ARMC8: variants seen among roughly 807,000 people sequenced by gnomAD.
ARMC8 encodes armadillo repeat-containing protein 8.
In ARMC8, 20 loss-of-function variants were observed where a neutral mutation model predicts 99.3. The observed-to-expected ratio is 0.20, with a 90% CI of 0.14 to 0.29. The LOEUF is 0.29. ARMC8 is among the 10% of genes least tolerant of loss of function. The probability of loss-of-function intolerance (pLI) is 1.00; values close to 1 mark genes in which losing one functional copy is unlikely to be tolerated. For synonymous variants in ARMC8, 263 were observed against 278.3 expected (o/e 0.95, Z 0.55); for missense variants, 569 against 809.5 (o/e 0.70, Z 3.60).
chr3:138,216,754 G>A (rs2045067270), intron 2 of ARMC8, among the ~76,000 whole-genome samples: 1 of 152,154 alleles, frequency 6.6e-6, no homozygotes, highest in African/African-American at 2.4e-5. Context: ...TCAGATTGTA[G>A]TTTTCAGTAT....
intron 19 of ARMC8, among the ~76,000 whole-genome samples, chr3:138,287,191 C>A (rs999805501): frequency 6.6e-6 from 1 of 152,210 alleles, no homozygotes; most frequent in Non-Finnish European, 1.5e-5. Flanking sequence ...CTTTCAGGGG[C>A]TTCCTCTCAA....
chr3:138,283,844 A>T (rs143725678), intron 18 of ARMC8, among the ~76,000 whole-genome samples: 84 of 152,300 alleles, frequency 5.5e-4, no homozygotes, highest in Non-Finnish European at 1.1e-3. Context: ...GTTGCTTCAT[A>T]CATTTTACTT....
At chr3:138,188,419 C>T in intron 1 of ARMC8, 1 of 1,489,788 alleles carries the variant, frequency 6.7e-7, no homozygotes, top group Non-Finnish European at 9.0e-7. Flanking sequence ...AAGAAAAAGA[C>T]GACTTTCACC....
At chr3:138,245,483 T>G in intron 12 of ARMC8, 1 of 1,292,626 alleles carries the variant, frequency 7.7e-7, no homozygotes, top group Non-Finnish European at 9.8e-7. Context: ...AAAAATCAAT[T>G]CTAGCACTGT....
At chr3:138,229,918 A>G (rs1444446997) in intron 6 of ARMC8, among the ~76,000 whole-genome samples, 1 of 152,206 alleles carries the variant, frequency 6.6e-6, no homozygotes, top group Non-Finnish European at 1.5e-5. Context: ...AAGAAGGGAT[A>G]AGAGAACACC....
At chr3:138,288,982 C>A in intron 19 of ARMC8, 66 bp from the exon 20 acceptor site, 1 of 1,390,264 alleles carries the variant, frequency 7.2e-7, no homozygotes, top group East Asian at 2.4e-5. Context: ...GGTAGGTCCC[C>A]CCAAAAAAAA....
chr3:138,209,535 A>G (rs1294909096), intron 1 of ARMC8, among the ~76,000 whole-genome samples: 2 of 152,210 alleles, frequency 1.3e-5, no homozygotes, highest in Non-Finnish European at 2.9e-5. Flanking sequence ...AATGTATACC[A>G]TGGACATTCT....
At position 138,289,660 on chromosome 3, in the gene ARMC8, CAG is replaced by C. The variant is rs893355535; in HGVS notation, c.1894+542_1894+543del. On this transcript the variant is annotated intron_variant, in intron 20 of 21. Transcript: ENST00000469044. Reference sequence around the variant, plus strand: ...AATTTTTACACCAGGCCAATTAAATCAGAATCTCTCGGGGTGGGCTCCAGGCA... The same window carrying C: ...AATTTTTACACCAGGCCAATTAAATCAATCTCTCGGGGTGGGCTCCAGGCA... Among the ~76,000 whole-genome samples, 31 of 152,110 alleles carry C rather than the reference CAG, an allele frequency of 2.0e-4. 2 individuals are homozygous for C. The highest frequency in any genetic ancestry group is 4.1e-4 in the South Asian group (2 of 4,820).
At chr3:138,244,697 G>T (rs1440519087) in intron 11 of ARMC8, among the ~76,000 whole-genome samples, 1 of 152,208 alleles carries the variant, frequency 6.6e-6, no homozygotes, top group African/African-American at 2.4e-5. Flanking sequence ...TGTAGTCTGG[G>T]GCTAGAGAAG....
intron 6 of ARMC8, among the ~76,000 whole-genome samples, chr3:138,231,529 T>A (rs771552051): frequency 3.3e-5 from 5 of 152,198 alleles, no homozygotes; most frequent in African/African-American, 4.8e-5. Flanking sequence ...AAACACTCAC[T>A]AGAAATAGTA....
At position 138,187,540 on chromosome 3, in the gene ARMC8, G is replaced by T; in HGVS notation, c.-15G>T. 2.0e-6 allele frequency: 3 copies of T among 1,535,744 alleles called. No homozygotes were observed. The highest frequency in any genetic ancestry group is 2.6e-6 in the Non-Finnish European group (3 of 1,146,626). ...CCGCGCCGGCGCCTGCAGCAGCCGGGTGGGAAGGCTCAAGATGGCGTGCTT... is the reference window on the plus strand; with the variant it reads ...CCGCGCCGGCGCCTGCAGCAGCCGGTTGGGAAGGCTCAAGATGGCGTGCTT... On this transcript the variant is annotated 5_prime_UTR_variant, in exon 1 of 22. Coordinates refer to ENST00000469044, the MANE Select transcript of ARMC8 (RefSeq NM_001363941.2).
rs777653017 is a variant in ARMC8, at chr3:138,223,628, G to C, written c.338-8G>C. On this transcript the variant is annotated splice_region_variant and splice_polypyrimidine_tract_variant and intron_variant, in intron 4 of 21. Transcript: ENST00000469044. ...AGGATTAGTCCTAAATCTCATTTCT[G>C]TTAATAGGACTACTGTCCCCAGACC... 6.8e-6 allele frequency: 11 copies of C among 1,613,850 alleles called. No individual in the cohort carries two copies. Among genetic ancestry groups the C allele is most frequent in the Non-Finnish European group, 8.5e-6 (10 of 1,179,832 alleles).
At chr3:138,264,082 A>C in intron 13 of ARMC8, 49 bp from the exon 14 acceptor site, 1 of 1,539,068 alleles carries the variant, frequency 6.5e-7, no homozygotes, top group Non-Finnish European at 9.0e-7. Flanking sequence ...TTGTTTGAAA[A>C]GTAAAAGTTT....
intron 2 of ARMC8, among the ~76,000 whole-genome samples, chr3:138,217,074 C>G (rs2045092513): frequency 5.3e-5 from 8 of 152,132 alleles, no homozygotes; most frequent in Admixed American, 5.2e-4. Context: ...AAGCAATAAA[C>G]TATACCATAT....
intron 12 of ARMC8, among the ~76,000 whole-genome samples, chr3:138,259,198 A>G (rs1159274125): frequency 6.6e-6 from 1 of 152,186 alleles, no homozygotes; most frequent in Non-Finnish European, 1.5e-5. Context: ...TGGTTTTCCA[A>G]TCCCATGTTT....
At chr3:138,289,608 T>G (rs2050752251) in intron 20 of ARMC8, among the ~76,000 whole-genome samples, 1 of 152,160 alleles carries the variant, frequency 6.6e-6, no homozygotes, top group Non-Finnish European at 1.5e-5. Context: ...GGTTCTTTAC[T>G]TTGGCTGCAT....
intron 2 of ARMC8, among the ~76,000 whole-genome samples, chr3:138,213,522 T>C (rs1238564633): frequency 6.6e-6 from 1 of 152,198 alleles, no homozygotes; most frequent in Non-Finnish European, 1.5e-5. Context: ...GGGAGTAAGA[T>C]ACGAGCTGAA....
intron 5 of ARMC8, among the ~76,000 whole-genome samples, chr3:138,225,222 C>T (rs1467381642): frequency 6.6e-6 from 1 of 150,788 alleles, no homozygotes; most frequent in East Asian, 2.0e-4. Flanking sequence ...TCTCCTGCCT[C>T]AGCCTCCCGA....
chr3:138,213,111 A>T (rs2044802351), intron 2 of ARMC8, among the ~76,000 whole-genome samples: 1 of 152,246 alleles, frequency 6.6e-6, no homozygotes, highest in Admixed American at 6.5e-5. Flanking sequence ...TTGAAGACAA[A>T]TAAGATTGTG....
Sources: gnomAD v4.1 joint callset for allele counts (sites outside exome capture counted in the v4.1 genomes callset) on GRCh38, gnomAD v4.1.1 for gene constraint, MANE v1.5 for transcripts, NCBI Gene and HGNC (gene_info 2026-07-23, HGNC 2026-07-21) for gene names.